ZNF385D: variants seen among roughly 807,000 people sequenced by gnomAD.
The protein encoded by ZNF385D is zinc finger protein 659.
Under a neutral mutation model 35.8 loss-of-function variants are expected in ZNF385D, and 15 were observed. That is an observed-to-expected ratio of 0.42 (90% CI 0.28 to 0.64). The LOEUF is 0.64. ZNF385D is among the 30% of genes least tolerant of loss of function. ZNF385D has a pLI of 0.23. For missense variants in ZNF385D, 474 were observed against 494.6 expected, an observed-to-expected ratio of 0.96 and a Z score of 0.39; for synonymous variants, 212 against 186.8, an observed-to-expected ratio of 1.13 and a Z score of -1.10.
At chr3:22,067,337 A>C (rs558098387) in intron 3 of ZNF385D, among the ~76,000 whole-genome samples, 7 of 152,332 alleles carry the variant, frequency 4.6e-5, no homozygotes, top group African/African-American at 1.2e-4. Flanking sequence ...TCTTATGTTC[A>C]AGTTGACAGC....
Position 21,808,788 on chromosome 3 carries a change from T to G in ZNF385D, c.326-143760A>C, listed in dbSNP as rs376305552. Among the ~76,000 whole-genome samples the G allele has an allele frequency of 3.3e-5, 5 of 152,132 alleles. No homozygotes were observed. The East Asian group carries it at 7.7e-4, about 23-fold the overall frequency. On this transcript the variant is annotated intron_variant, in intron 3 of 5. Coordinates refer to the ZNF385D transcript ENST00000494108. ...AACCCTAGAGCAGCCAATACATGAA[T>G]CCAACCAGAATCCACACAGCAAAGC... is the stretch of plus-strand genomic sequence containing the variant.
intron 2 of ZNF385D, among the ~76,000 whole-genome samples, chr3:22,317,280 C>CAAAAAAAAAAAAAAAAAAAAAAAAA (rs59675675): frequency 3.4e-4 from 9 of 26,106 alleles, no homozygotes; most frequent in East Asian, 1.9e-3. Context: ...ACTCCATCTC[C>CAAAAAAAAAAAAAAAAAAAAAAAAA]AAAAAAAAAA....
intron 3 of ZNF385D, among the ~76,000 whole-genome samples, chr3:22,164,288 G>GTGCTATCTCGGCTCAC (rs1706169983): frequency 7.3e-6 from 1 of 137,732 alleles, no homozygotes; most frequent in Non-Finnish European, 1.5e-5. Context: ...TAGTACAATG[G>GTGCTATCTCGGCTCAC]TGCTATCTCG....
At chr3:21,740,501 T>C (rs1473221034) in intron 1 of ZNF385D, among the ~76,000 whole-genome samples, 1 of 152,198 alleles carries the variant, frequency 6.6e-6, no homozygotes. Flanking sequence ...TACTGTAATA[T>C]GGACTTCTTT....
chr3:22,301,847 A>T (rs1436690860), intron 2 of ZNF385D, among the ~76,000 whole-genome samples: 2 of 152,118 alleles, frequency 1.3e-5, no homozygotes, highest in Admixed American at 6.6e-5. Flanking sequence ...TTTTAAAATT[A>T]TGTAGACAGT....
chr3:22,173,873 T>C (rs1694636238), intron 2 of ZNF385D, among the ~76,000 whole-genome samples: 1 of 152,100 alleles, frequency 6.6e-6, no homozygotes, highest in South Asian at 2.1e-4. Context: ...AAAAATCCAA[T>C]ATGGAACACA....
rs180703856 is a variant in ZNF385D at position 21,730,612 on chromosome 3, G to C, written c.22+20283C>G. On this transcript the variant is annotated intron_variant, in intron 1 of 7. Transcript: ENST00000281523. The stretch of plus-strand genomic sequence containing the variant: ...AAAGGAGATCTAAACCCCTGACCCA[G>C]GGGCACATTCTATCTGCACAAAATG... Among the ~76,000 whole-genome samples, 95 of 152,302 alleles carry C rather than the reference G, an allele frequency of 6.2e-4. 1 individual carries two copies. The highest frequency in any genetic ancestry group is 2.2e-3 in the African/African-American group (91 of 41,560).
chr3:21,564,934 T>A (rs2063089731), intron 2 of ZNF385D, among the ~76,000 whole-genome samples: 1 of 152,198 alleles, frequency 6.6e-6, no homozygotes, highest in Admixed American at 6.5e-5. Flanking sequence ...GTTTTTCTCA[T>A]TTAAAAGCAA....
rs1700524065 is a variant in ZNF385D at position 21,413,718 on chromosome 3, A to G, written c.*7496T>C. The G allele has an allele frequency of 6.6e-6, 1 of 152,112 alleles. No homozygotes were observed. Among genetic ancestry groups the G allele is most frequent in the Non-Finnish European group, 1.5e-5 (1 of 67,996 alleles). The allele number at this position is 152,112 out of a possible 1,614,324, so 9.4% of individuals were successfully genotyped here. On this transcript the variant is annotated 3_prime_UTR_variant, in exon 8 of 8. Coordinates refer to ENST00000281523, the MANE Select transcript of ZNF385D (RefSeq NM_024697.3). ...GTCACAAGCATGTAGAGCAAACCATAGTCTATTTTTAATTTCAAAATAGTG... is the reference window on the plus strand; with the variant it reads ...GTCACAAGCATGTAGAGCAAACCATGGTCTATTTTTAATTTCAAAATAGTG...
intron 2 of ZNF385D, among the ~76,000 whole-genome samples, chr3:21,640,438 C>T (rs926772674): frequency 1.3e-5 from 2 of 152,070 alleles, no homozygotes; most frequent in African/African-American, 4.8e-5. Context: ...GCCCCAGATT[C>T]GTATGATGAA....
At position 21,643,776 on chromosome 3, in the gene ZNF385D, G is replaced by C. The variant is rs1271698783; in HGVS notation, c.165+21110C>G. Reference sequence around the variant, plus strand: ...TGATCCGCCGAGACCCTGTGGTTTAGAACTGTGGTGTCCAATGCTAGCCAC... The same window carrying C: ...TGATCCGCCGAGACCCTGTGGTTTACAACTGTGGTGTCCAATGCTAGCCAC... On this transcript the variant is annotated intron_variant, in intron 2 of 7. Transcript: ENST00000281523. 1.3e-5 allele frequency among the ~76,000 whole-genome samples: 2 copies of C among 152,138 alleles called. 1 individual carries two copies. The highest frequency in any genetic ancestry group is 4.1e-4 in the South Asian group (2 of 4,828).
intron 2 of ZNF385D, among the ~76,000 whole-genome samples, chr3:22,172,986 C>A (rs1340540223): frequency 6.6e-6 from 1 of 152,196 alleles, no homozygotes; most frequent in Non-Finnish European, 1.5e-5. Context: ...AATAATACTT[C>A]AGCCACATCA....
At chr3:21,502,094 C>A (rs1402618278) in intron 4 of ZNF385D, among the ~76,000 whole-genome samples, 2 of 152,134 alleles carry the variant, frequency 1.3e-5, no homozygotes, top group Non-Finnish European at 2.9e-5. Context: ...AACTGGGGAA[C>A]AGCAAATGCA....
chr3:21,895,589 C>T (rs1313524662), intron 3 of ZNF385D, among the ~76,000 whole-genome samples: 1 of 151,154 alleles, frequency 6.6e-6, no homozygotes, highest in Non-Finnish European at 1.5e-5. Context: ...GATCTGCCCA[C>T]CTCGGCCTCC....
rs376357001 is a variant in ZNF385D at position 21,494,894 on chromosome 3, C to T, written c.439+15967G>A. 1.3e-4 allele frequency among the ~76,000 whole-genome samples: 20 copies of T among 152,256 alleles called. No individual in the cohort carries two copies. In the East Asian group the frequency reaches 3.5e-3, roughly 26 times the overall value. On this transcript the variant is annotated intron_variant, in intron 4 of 7. Transcript: ENST00000281523. ...CCCTTGACATTAAGTTTAACAAATA[C>T]TGGTTAACAATATCTGTGTCCCCGT...
At chr3:22,302,447 G>C (rs1702953836) in intron 2 of ZNF385D, among the ~76,000 whole-genome samples, 1 of 151,576 alleles carries the variant, frequency 6.6e-6, no homozygotes, top group South Asian at 2.1e-4. Context: ...TGAATGTCCT[G>C]TTCCTACTCA....
At chr3:22,266,012 CT>C (rs1700878666) in intron 2 of ZNF385D, among the ~76,000 whole-genome samples, 1 of 151,962 alleles carries the variant, frequency 6.6e-6, no homozygotes, top group Non-Finnish European at 1.5e-5. Context: ...TACAGGCCAT[CT>C]TGGCCTCCAC....
chr3:21,490,808 TAC>T (rs1272975953), intron 4 of ZNF385D, among the ~76,000 whole-genome samples: 2 of 142,540 alleles, frequency 1.4e-5, no homozygotes, highest in African/African-American at 2.6e-5. Context: ...AATTAATGCG[TAC>T]AGTGATACCT....
chr3:21,815,427 A>C (rs545879589), intron 3 of ZNF385D, among the ~76,000 whole-genome samples: 2 of 152,338 alleles, frequency 1.3e-5, no homozygotes, highest in South Asian at 4.1e-4. Flanking sequence ...CAAAAGTGAT[A>C]GACCACTAGC....
Sources: allele counts gnomAD v4.1 joint callset (sites outside exome capture counted in the v4.1 genomes callset), GRCh38; gene constraint gnomAD v4.1.1; transcripts MANE v1.5; gene names NCBI Gene and HGNC (gene_info 2026-07-23, HGNC 2026-07-21).